ZDHHC9: variants seen among roughly 807,000 people sequenced by gnomAD.
ZDHHC9 encodes zDHHC palmitoyltransferase 9.
ZDHHC9 carries 3 observed loss-of-function variants against 26.6 expected under a neutral mutation model. That is an observed-to-expected ratio of 0.11 (90% CI 0.05 to 0.29). The LOEUF (loss-of-function observed/expected upper bound fraction) is 0.29, where lower values mean the gene tolerates loss of function less well. Ranked by LOEUF, ZDHHC9 falls within the 10% of genes least tolerant of loss-of-function variation. The pLI is 1.00. For synonymous variants in ZDHHC9, 111 were observed against 109.4 expected (o/e 1.01, Z -0.09); for missense variants, 146 against 296.4 (o/e 0.49, Z 3.73).
chrX:129,823,616 C>T, intron 5 of ZDHHC9, 63 bp downstream of exon 5: 4 of 1,186,845 alleles, frequency 3.4e-6, no homozygotes, highest in Non-Finnish European at 4.6e-6. Flanking sequence ...AATTGGTGAC[C>T]ACCCTGACTT....
At chrX:129,831,765 G>A (rs1358289435) in intron 3 of ZDHHC9, among the ~76,000 whole-genome samples, 1 of 111,613 alleles carries the variant, frequency 9.0e-6, no homozygotes, top group Non-Finnish European at 1.9e-5. Context: ...GGACTAGCAG[G>A]CCTTTCTACT....
chrX:129,840,830 C>T (rs1928363592), intron 3 of ZDHHC9, among the ~76,000 whole-genome samples: 1 of 110,322 alleles, frequency 9.1e-6, no homozygotes, highest in Non-Finnish European at 1.9e-5. Flanking sequence ...ATTTTACTTC[C>T]CCACTAGGCT....
intron 5 of ZDHHC9, among the ~76,000 whole-genome samples, chrX:129,817,947 G>A (rs780005447): frequency 1.7e-4 from 19 of 111,775 alleles, no homozygotes; most frequent in Admixed American, 9.5e-4. Context: ...AGTAGGTTTT[G>A]AGTCCTTGTT....
At position 129,823,941 on chromosome X, in the gene ZDHHC9, GC is replaced by G. The variant is rs766064955; in HGVS notation, c.329-105del. ...ATGGGGGCATTCAAAGGTTCCCCAA[GC>G]CCCCTGTCTTTTATAGACTAGACAC... On this transcript the variant is annotated intron_variant, in intron 4 of 10. Transcript: ENST00000357166. The G allele has an allele frequency of 2.1e-4, 161 of 777,064 alleles. No homozygotes were observed. The Middle Eastern group carries it at 2.2e-3, about 11-fold the overall frequency. The allele number at this position is 777,064 out of a possible 1,213,427, so 64.0% of individuals were successfully genotyped here. A position where few individuals can be genotyped will look rare whatever the true frequency, so the allele number is the denominator to read the frequency against.
intron 10 of ZDHHC9, among the ~76,000 whole-genome samples, chrX:129,809,394 C>T (rs1366849278): frequency 8.9e-6 from 1 of 111,904 alleles, no homozygotes; most frequent in Non-Finnish European, 1.9e-5. Flanking sequence ...TATAAAGGAA[C>T]GAAGTACTGC....
intron 3 of ZDHHC9, among the ~76,000 whole-genome samples, chrX:129,832,457 G>A (rs1438237639): frequency 5.4e-5 from 6 of 110,722 alleles, no homozygotes; most frequent in African/African-American, 2.0e-4. Flanking sequence ...AGACCATCCT[G>A]GCCAACATGG....
intron 7 of ZDHHC9, 108 bp downstream of exon 7, chrX:129,813,569 C>T: frequency 1.2e-6 from 1 of 816,486 alleles, no homozygotes; most frequent in Non-Finnish European, 1.8e-6. Flanking sequence ...TAGACCTTGG[C>T]ACTCTCTGAT....
chrX:129,823,397 G>A, intron 5 of ZDHHC9: 4 of 342,114 alleles, frequency 1.2e-5, no homozygotes, highest in East Asian at 5.4e-5. Flanking sequence ...TCCAGTACAG[G>A]AAAATCTAAA....
chrX:129,831,162 C>G (rs1257268247), intron 3 of ZDHHC9, among the ~76,000 whole-genome samples: 1 of 111,048 alleles, frequency 9.0e-6, no homozygotes, highest in Non-Finnish European at 1.9e-5. Context: ...AATTCAGAAG[C>G]AAAAATCACC....
intron 2 of ZDHHC9, 57 bp downstream of exon 2, chrX:129,843,202 G>A (rs920258610): frequency 4.4e-5 from 5 of 112,970 alleles, no homozygotes; most frequent in Admixed American, 1.9e-4. Flanking sequence ...TAGAAGGTTC[G>A]GGGAAGGGGA....
At chrX:129,822,547 C>G (rs976118855) in intron 5 of ZDHHC9, among the ~76,000 whole-genome samples, 6 of 110,746 alleles carry the variant, frequency 5.4e-5, no homozygotes, top group African/African-American at 2.0e-4. Flanking sequence ...AGCAAACCAC[C>G]ATGGCACATG....
intron 5 of ZDHHC9, 81 bp from the exon 6 acceptor site, chrX:129,814,876 A>C: frequency 9.4e-7 from 1 of 1,061,735 alleles, no homozygotes; most frequent in Non-Finnish European, 1.3e-6. Flanking sequence ...ACCTAATTCA[A>C]AGACCTCCAG....
At chrX:129,814,538 C>T in intron 6 of ZDHHC9, 120 bp downstream of exon 6, 1 of 1,044,764 alleles carries the variant, frequency 9.6e-7, no homozygotes, top group Non-Finnish European at 1.3e-6. Context: ...TCATTTCTAA[C>T]CTGTCCTAAA....
At chrX:129,813,345 G>A (rs1459166093) in intron 7 of ZDHHC9, among the ~76,000 whole-genome samples, 3 of 111,683 alleles carry the variant, frequency 2.7e-5, no homozygotes, top group Non-Finnish European at 5.6e-5. Flanking sequence ...TGGGGCAACA[G>A]TACAAGACTC....
intron 3 of ZDHHC9, among the ~76,000 whole-genome samples, chrX:129,831,581 A>G (rs1737875): frequency 0.079 from 8,763 of 111,531 alleles, 650 homozygotes; most frequent in East Asian, 0.47. Context: ...CTATGCCATC[A>G]AGGATAAAGG....
At chrX:129,814,830 C>T (rs1348966572) in intron 5 of ZDHHC9, 35 bp from the exon 6 acceptor site, 1 of 1,209,319 alleles carries the variant, frequency 8.3e-7, no homozygotes, top group South Asian at 1.8e-5. Flanking sequence ...AGCCAAAAGC[C>T]TCCAGAACAA....
chrX:129,830,322 CAG>C (rs1928113748), intron 3 of ZDHHC9, among the ~76,000 whole-genome samples: 1 of 111,708 alleles, frequency 9.0e-6, no homozygotes, highest in African/African-American at 3.3e-5. Context: ...AGGATAATAA[CAG>C]TGCTTGATGA....
rs1397656650 is a variant in ZDHHC9, at chrX:129,843,827, G to A, written c.-335C>T. On this transcript the variant is annotated 5_prime_UTR_variant, in exon 1 of 11. Transcript: ENST00000357166. ...CGGGAGGCTGTCTCCTCCTGACAAG[G>A]GGCCCCAGTGGTCGGGGCCCTAAAC... 1 of 111,848 alleles carries A rather than the reference G, an allele frequency of 8.9e-6. No homozygotes were observed. Among genetic ancestry groups the A allele is most frequent in the Non-Finnish European group, 1.9e-5 (1 of 52,990 alleles). 9.2% of individuals were successfully genotyped at this position (111,848 alleles called of 1,213,427 possible).
chrX:129,834,757 T>C (rs1298633448), intron 3 of ZDHHC9, among the ~76,000 whole-genome samples: 1 of 111,863 alleles, frequency 8.9e-6, no homozygotes, highest in Non-Finnish European at 1.9e-5. Context: ...ACTGGCCTTA[T>C]CTAATCATCA....
Sources: gnomAD v4.1 joint callset for allele counts (sites outside exome capture counted in the v4.1 genomes callset) on GRCh38, gnomAD v4.1.1 for gene constraint, MANE v1.5 for transcripts, NCBI Gene and HGNC (gene_info 2026-07-23, HGNC 2026-07-21) for gene names.